LOC647264: variants seen among roughly 807,000 people sequenced by gnomAD.
At chr13:63,832,915 C>G in the LOC647264 span, among the ~76,000 whole-genome samples, 1 of 37,432 alleles carries the variant, frequency 2.7e-5, no homozygotes, top group African/African-American at 5.7e-5. Flanking sequence ...GAGCCATAGC[C>G]ACAGCCATAA....
At chr13:63,832,803 GAGCCAGAGCCATAGCCACAGCTGT>G in the LOC647264 span, among the ~76,000 whole-genome samples, 9 of 150,338 alleles carry the variant, frequency 6.0e-5, no homozygotes, top group South Asian at 2.1e-4. Flanking sequence ...GCCACAGCCA[GAGCCAGAGCCATAGCCACAGCTGT>G]AGCCAGAGCC....
the LOC647264 span, among the ~76,000 whole-genome samples, chr13:63,833,018 T>A: frequency 6.6e-6 from 1 of 152,184 alleles, no homozygotes. Context: ...AGAATTGAGA[T>A]GGGTTTCAAG....
chr13:63,832,893 CAGCCATAGCTGG>C, the LOC647264 span, among the ~76,000 whole-genome samples: 2 of 137,240 alleles, frequency 1.5e-5, no homozygotes, highest in African/African-American at 3.6e-5. Flanking sequence ...GCCATAGCCA[CAGCCATAGCTGG>C]AGCCATAGCC....
chr13:63,832,701 C>T, the LOC647264 span, among the ~76,000 whole-genome samples: 9 of 151,248 alleles, frequency 6.0e-5, no homozygotes, highest in African/African-American at 1.9e-4. Flanking sequence ...GCAAAATGGC[C>T]GGTAGCCACA....
chr13:63,832,745 G>C, the LOC647264 span, among the ~76,000 whole-genome samples: 1 of 152,056 alleles, frequency 6.6e-6, no homozygotes, highest in East Asian at 1.9e-4. Flanking sequence ...CACAGCCATA[G>C]CCAGTTCCAT....
the LOC647264 span, among the ~76,000 whole-genome samples, chr13:63,832,941 C>G: frequency 6.6e-6 from 1 of 152,220 alleles, no homozygotes; most frequent in East Asian, 1.9e-4. Context: ...GCCATAGCCA[C>G]AGCCATAGCT....
At chr13:63,832,929 G>A in the LOC647264 span, among the ~76,000 whole-genome samples, 2 of 37,070 alleles carry the variant, frequency 5.4e-5, no homozygotes, top group Non-Finnish European at 1.6e-4. Flanking sequence ...GCCATAACCA[G>A]AGCCATAGCC....
chr13:63,832,728 C>G, the LOC647264 span, among the ~76,000 whole-genome samples: 1 of 151,888 alleles, frequency 6.6e-6, no homozygotes, highest in Non-Finnish European at 1.5e-5. Context: ...AGAGCCAGAG[C>G]CACATCCACA....
the LOC647264 span, among the ~76,000 whole-genome samples, chr13:63,832,841 GCC>G: frequency 1.4e-5 from 2 of 145,754 alleles, no homozygotes; most frequent in African/African-American, 5.6e-5. Context: ...CAGAGCCATA[GCC>G]ACAGCCATAG....
the LOC647264 span, among the ~76,000 whole-genome samples, chr13:63,832,850 A>G: frequency 6.2e-5 from 9 of 145,676 alleles, no homozygotes; most frequent in African/African-American, 2.5e-4. Context: ...AGCCACAGCC[A>G]TAGCTGGAGC....
At chr13:63,832,989 C>A in the LOC647264 span, among the ~76,000 whole-genome samples, 2 of 152,236 alleles carry the variant, frequency 1.3e-5, no homozygotes, top group African/African-American at 4.8e-5. Context: ...GTAGTTGCAA[C>A]ACATGTTGTC....
At chr13:63,832,709 A>G in the LOC647264 span, among the ~76,000 whole-genome samples, 4,109 of 151,536 alleles carry the variant, frequency 0.027, 84 homozygotes, top group African/African-American at 0.094. Context: ...GCCGGTAGCC[A>G]CAGTAGCCAG....
the LOC647264 span, among the ~76,000 whole-genome samples, chr13:63,832,901 G>A: frequency 4.1e-4 from 55 of 135,672 alleles, no homozygotes; most frequent in African/African-American, 1.8e-3. Flanking sequence ...CACAGCCATA[G>A]CTGGAGCCAT....
the LOC647264 span, among the ~76,000 whole-genome samples, chr13:63,832,773 C>T: frequency 6.6e-6 from 1 of 152,034 alleles, no homozygotes; most frequent in Non-Finnish European, 1.5e-5. Flanking sequence ...GCCATACCCA[C>T]AGCCGTAGCC....
At chr13:63,832,782 C>A in the LOC647264 span, among the ~76,000 whole-genome samples, 3 of 152,116 alleles carry the variant, frequency 2.0e-5, no homozygotes, top group African/African-American at 7.2e-5. Flanking sequence ...ACAGCCGTAG[C>A]CAGTTCCATA....
At chr13:63,832,833 G>GAGCCATAGCCAC in the LOC647264 span, among the ~76,000 whole-genome samples, 2 of 145,558 alleles carry the variant, frequency 1.4e-5, no homozygotes, top group African/African-American at 5.7e-5. Flanking sequence ...GCTGTAGCCA[G>GAGCCATAGCCAC]AGCCATAGCC....
chr13:63,832,951 T>C, the LOC647264 span, among the ~76,000 whole-genome samples: 1 of 151,908 alleles, frequency 6.6e-6, no homozygotes, highest in Non-Finnish European at 1.5e-5. Flanking sequence ...CAGCCATAGC[T>C]GGAGCCATAG....
the LOC647264 span, among the ~76,000 whole-genome samples, chr13:63,832,898 A>G: frequency 1.5e-5 from 2 of 137,690 alleles, no homozygotes; most frequent in Non-Finnish European, 3.0e-5. Flanking sequence ...AGCCACAGCC[A>G]TAGCTGGAGC....
the LOC647264 span, among the ~76,000 whole-genome samples, chr13:63,832,926 C>T: frequency 2.8e-5 from 1 of 36,010 alleles, no homozygotes; most frequent in Non-Finnish European, 8.6e-5. Context: ...ACAGCCATAA[C>T]CAGAGCCATA....
Sources: gnomAD v4.1 joint callset for allele counts (sites outside exome capture counted in the v4.1 genomes callset) on GRCh38, gnomAD v4.1.1 for gene constraint, MANE v1.5 for transcripts.